HNF4A: variants seen among roughly 807,000 people sequenced by gnomAD.
HNF4A encodes the protein hepatocyte nuclear factor 4 alpha.
Under a neutral mutation model 52.4 loss-of-function variants are expected in HNF4A, and 15 were observed. The ratio of observed to expected loss-of-function variants is 0.29; its 90% CI spans 0.19 to 0.44. HNF4A has a LOEUF of 0.44. Ranked by LOEUF, HNF4A falls within the 20% of genes least tolerant of loss-of-function variation. The pLI, the probability that HNF4A is intolerant of heterozygous loss-of-function variation, is 1.00. For missense variants in HNF4A, 479 were observed against 647.2 expected (o/e 0.74, Z 2.82); for synonymous variants, 280 against 264.4 (o/e 1.06, Z -0.57).
At chr20:44,404,766 T>G (rs2063462481) in intron 1 of HNF4A, among the ~76,000 whole-genome samples, 1 of 131,332 alleles carries the variant, frequency 7.6e-6, no homozygotes, top group African/African-American at 2.9e-5. Context: ...TACACATGTG[T>G]GTATATATGT....
chr20:44,420,982 A>T (rs2063736488), intron 7 of HNF4A, among the ~76,000 whole-genome samples: 1 of 152,176 alleles, frequency 6.6e-6, no homozygotes, highest in Non-Finnish European at 1.5e-5. Context: ...TGAAAGACAA[A>T]GCCTTATATT....
intron 8 of HNF4A, among the ~76,000 whole-genome samples, chr20:44,425,534 G>C (rs1253908434): frequency 6.6e-6 from 1 of 152,134 alleles, no homozygotes; most frequent in Non-Finnish European, 1.5e-5. Context: ...TTGAGTAGCA[G>C]AAATGACGAT....
intron 1 of HNF4A, among the ~76,000 whole-genome samples, chr20:44,363,505 C>T (rs2062938733): frequency 6.6e-6 from 1 of 151,756 alleles, no homozygotes; most frequent in African/African-American, 2.4e-5. Flanking sequence ...CCTGGGATGC[C>T]CAGGGTCTCC....
chr20:44,368,897 T>C (rs939691578), intron 1 of HNF4A, among the ~76,000 whole-genome samples: 1 of 152,148 alleles, frequency 6.6e-6, no homozygotes, highest in Non-Finnish European at 1.5e-5. Context: ...CGTCTATAAC[T>C]AAAAAATCAA....
chr20:44,413,853 C>A, intron 4 of HNF4A, 53 bp downstream of exon 4: 1 of 1,198,812 alleles, frequency 8.3e-7, no homozygotes, highest in Non-Finnish European at 1.2e-6. Context: ...TACAGAGGAG[C>A]TCACCTCCTC....
At position 44,355,752 on chromosome 20, in the gene HNF4A, A is replaced by G; in HGVS notation, c.-53A>G. 5 of 1,563,176 alleles carry G rather than the reference A, an allele frequency of 3.2e-6. No homozygotes were observed. In the South Asian group the frequency reaches 5.6e-5, roughly 17 times the overall value. On this transcript the variant is annotated 5_prime_UTR_variant, in exon 1 of 10. Transcript: ENST00000316673. Reference sequence around the variant, plus strand: ...TCCTGGTGGCTGTGCTGCTGCTGTGAGCGGGCCCCTGCTCCTCCATGCCCC... The same window carrying G: ...TCCTGGTGGCTGTGCTGCTGCTGTGGGCGGGCCCCTGCTCCTCCATGCCCC...
intron 8 of HNF4A, among the ~76,000 whole-genome samples, chr20:44,426,809 C>A (rs1232345729): frequency 1.3e-5 from 2 of 150,680 alleles, no homozygotes; most frequent in Non-Finnish European, 2.9e-5. Context: ...TCTGTCTCAA[C>A]AACAACAACA....
intron 1 of HNF4A, among the ~76,000 whole-genome samples, chr20:44,374,235 G>GT (rs1473277716): frequency 2.0e-5 from 3 of 152,102 alleles, no homozygotes; most frequent in Non-Finnish European, 2.9e-5. Flanking sequence ...TGCAGTATTT[G>GT]TTTTTTTGTT....
At chr20:44,426,303 G>A (rs2063814060) in intron 8 of HNF4A, among the ~76,000 whole-genome samples, 1 of 152,188 alleles carries the variant, frequency 6.6e-6, no homozygotes, top group Non-Finnish European at 1.5e-5. Flanking sequence ...GAGGCTCTTG[G>A]CAATTGTGTT....
At chr20:44,364,620 C>T (rs2062952600) in intron 1 of HNF4A, among the ~76,000 whole-genome samples, 1 of 152,020 alleles carries the variant, frequency 6.6e-6, no homozygotes, top group Admixed American at 6.6e-5. Flanking sequence ...CAGGTGCCCA[C>T]CACCGCGGCC....
intron 4 of HNF4A, 83 bp from the exon 5 acceptor site, chr20:44,414,424 C>T: frequency 6.3e-7 from 1 of 1,594,064 alleles, no homozygotes; most frequent in Non-Finnish European, 8.6e-7. Context: ...CATCTGATTC[C>T]AGGGAGGGGG....
chr20:44,413,313 T>G (rs560644992), intron 3 of HNF4A, among the ~76,000 whole-genome samples: 6 of 152,218 alleles, frequency 3.9e-5, no homozygotes, highest in Non-Finnish European at 8.8e-5. Flanking sequence ...TAATTTGTTT[T>G]GCTTGCTTTA....
Position 44,390,400 on chromosome 20 carries a change from C to T in HNF4A, c.50-15658C>T, listed in dbSNP as rs1600679262. 9.7e-6 allele frequency: 5 copies of T among 514,350 alleles called. No individual in the cohort carries two copies. The East Asian group carries it at 1.6e-4, about 16-fold the overall frequency. 31.9% of individuals were successfully genotyped at this position (514,350 alleles called of 1,614,324 possible). A position where few individuals can be genotyped will look rare whatever the true frequency, so the allele number is the denominator to read the frequency against. On this transcript the variant is annotated intron_variant, in intron 1 of 9. Transcript: ENST00000316673. ...TGTCTCCCATTCCTATTGGGGTTGG[C>T]TCTCTAGGAGCCCCTTGCAGAGCCC...
At chr20:44,407,500 AC>A in intron 3 of HNF4A, 25 bp downstream of exon 3, 1 of 1,473,842 alleles carries the variant, frequency 6.8e-7, no homozygotes, top group Non-Finnish European at 9.3e-7. Flanking sequence ...TCCCCGCCCC[AC>A]CACCACTGCC....
intron 1 of HNF4A, among the ~76,000 whole-genome samples, chr20:44,403,041 C>T (rs573610784): frequency 9.2e-5 from 14 of 152,334 alleles, no homozygotes; most frequent in African/African-American, 2.9e-4. Context: ...ACGCCAGGAG[C>T]GCAAGGCAAA....
intron 1 of HNF4A, among the ~76,000 whole-genome samples, chr20:44,380,119 T>C (rs1455067719): frequency 6.6e-6 from 1 of 152,196 alleles, no homozygotes; most frequent in African/African-American, 2.4e-5. Flanking sequence ...CCTCAAGTGA[T>C]CCACTTGCCC....
intron 1 of HNF4A, among the ~76,000 whole-genome samples, chr20:44,376,394 T>C (rs192513891): frequency 6.6e-6 from 1 of 152,362 alleles, no homozygotes; most frequent in East Asian, 1.9e-4. Context: ...CGCTGGTATG[T>C]AGGAAGATGG....
At chr20:44,381,284 T>C (rs1030743701) in intron 1 of HNF4A, among the ~76,000 whole-genome samples, 2 of 150,390 alleles carry the variant, frequency 1.3e-5, no homozygotes, top group African/African-American at 4.9e-5. Flanking sequence ...GAGAGCTTTT[T>C]TTTTTTTTTT....
At chr20:44,411,996 G>A (rs1457545206) in intron 3 of HNF4A, among the ~76,000 whole-genome samples, 2 of 151,934 alleles carry the variant, frequency 1.3e-5, no homozygotes, top group South Asian at 2.1e-4. Flanking sequence ...GGTTGAGGCT[G>A]CAGTGAGCTA....
Sources: gnomAD v4.1 joint callset for allele counts (sites outside exome capture counted in the v4.1 genomes callset) on GRCh38, gnomAD v4.1.1 for gene constraint, MANE v1.5 for transcripts, NCBI Gene and HGNC (gene_info 2026-07-23, HGNC 2026-07-21) for gene names.